ARHGEF4: variants seen among roughly 807,000 people sequenced by gnomAD.
ARHGEF4 encodes the protein Rho guanine nucleotide exchange factor 4.
ARHGEF4 carries 119 observed loss-of-function variants against 162.0 expected under a neutral mutation model. The observed-to-expected ratio is 0.73, with a 90% CI of 0.63 to 0.86. The LOEUF (loss-of-function observed/expected upper bound fraction) is 0.86, where lower values mean the gene tolerates loss of function less well. Ranked by LOEUF, ARHGEF4 falls within the 40% of genes least tolerant of loss-of-function variation. ARHGEF4 has a pLI of 0.00. For synonymous variants in ARHGEF4, 1,014 were observed against 979.9 expected, an observed-to-expected ratio of 1.03 and a Z score of -0.65; for missense variants, 2,488 against 2,456.0, an observed-to-expected ratio of 1.01 and a Z score of -0.28.
chr2:130,991,546 GC>G (rs1341248086), intron 4 of ARHGEF4, among the ~76,000 whole-genome samples: 1 of 152,228 alleles, frequency 6.6e-6, no homozygotes, highest in Admixed American at 6.5e-5. Flanking sequence ...GGAGCAGCCG[GC>G]CGGCCCTGCC....
At chr2:131,030,890 A>T (rs1338560202) in intron 5 of ARHGEF4, among the ~76,000 whole-genome samples, 1 of 152,222 alleles carries the variant, frequency 6.6e-6, no homozygotes, top group African/African-American at 2.4e-5. Context: ...AACTGAAAAG[A>T]TAAGAAGTGA....
chr2:131,015,884 G>C lies in ARHGEF4; in HGVS notation c.3986-12061G>C, dbSNP rs113085929. Among the ~76,000 whole-genome samples, 27 of 152,296 alleles carry C rather than the reference G, an allele frequency of 1.8e-4. 1 individual carries two copies. Among genetic ancestry groups the C allele is most frequent in the African/African-American group, 6.3e-4 (26 of 41,574 alleles). The stretch of plus-strand genomic sequence containing the variant: ...TCATTTCGCCTTCCTTGTTCATGTC[G>C]CAAGGATGAAGTGAGAGGCCCCTGT... On this transcript the variant is annotated intron_variant, in intron 4 of 13. Coordinates refer to ENST00000409359, the MANE Select transcript of ARHGEF4 (RefSeq NM_001367493.1).
intron 4 of ARHGEF4, among the ~76,000 whole-genome samples, chr2:130,992,901 T>G (rs1687136703): frequency 6.6e-6 from 1 of 152,156 alleles, no homozygotes; most frequent in African/African-American, 2.4e-5. Flanking sequence ...CTGGCCAGCA[T>G]GGCAAAACGC....
At chr2:130,845,336 T>A (rs1680885799) in intron 1 of ARHGEF4, among the ~76,000 whole-genome samples, 1 of 151,588 alleles carries the variant, frequency 6.6e-6, no homozygotes, top group African/African-American at 2.4e-5. Flanking sequence ...GGAGACCCCG[T>A]CTCTACAAAA....
At chr2:130,851,368 A>G (rs1681399679) in intron 1 of ARHGEF4, among the ~76,000 whole-genome samples, 1 of 152,250 alleles carries the variant, frequency 6.6e-6, no homozygotes, top group African/African-American at 2.4e-5. Flanking sequence ...GCTGGTGCTC[A>G]CACTGTTGTG....
intron 4 of ARHGEF4, among the ~76,000 whole-genome samples, chr2:130,999,125 TTG>T (rs1257840935): frequency 1.3e-5 from 2 of 152,062 alleles, no homozygotes; most frequent in African/African-American, 4.8e-5. Flanking sequence ...TTTAATTGAG[TTG>T]TTTTCTTATA....
At chr2:130,881,780 C>T (rs950822596) in intron 1 of ARHGEF4, among the ~76,000 whole-genome samples, 1 of 152,106 alleles carries the variant, frequency 6.6e-6, no homozygotes, top group Non-Finnish European at 1.5e-5. Flanking sequence ...GATGGTGATG[C>T]CACGTGCAGC....
chr2:131,002,506 C>A (rs1275725606), intron 4 of ARHGEF4, among the ~76,000 whole-genome samples: 8 of 151,864 alleles, frequency 5.3e-5, no homozygotes, highest in Admixed American at 4.6e-4. Context: ...GTCAGGAGAT[C>A]GAGACCGTCC....
intron 2 of ARHGEF4, among the ~76,000 whole-genome samples, chr2:130,922,631 G>A (rs1015059651): frequency 6.6e-6 from 1 of 152,178 alleles, no homozygotes. Flanking sequence ...ACTCCTCAGA[G>A]TGAGTTAGTC....
chr2:130,978,830 A>C (rs1685924725), intron 4 of ARHGEF4, among the ~76,000 whole-genome samples: 1 of 152,234 alleles, frequency 6.6e-6, no homozygotes, highest in African/African-American at 2.4e-5. Context: ...AAGCCATAAA[A>C]AAAATTATTT....
At chr2:130,902,273 C>T (rs1290520024) in intron 1 of ARHGEF4, among the ~76,000 whole-genome samples, 1 of 147,294 alleles carries the variant, frequency 6.8e-6, no homozygotes, top group Non-Finnish European at 1.5e-5. Context: ...CTTTCTGTCT[C>T]TTGACAGAAC....
intron 1 of ARHGEF4, among the ~76,000 whole-genome samples, chr2:130,845,980 C>T (rs933030810): frequency 6.6e-6 from 1 of 152,208 alleles, no homozygotes; most frequent in African/African-American, 2.4e-5. Context: ...AGATTTGCTG[C>T]TGACTGTGCA....
chr2:131,026,934 G>C (rs1689514990), intron 4 of ARHGEF4, among the ~76,000 whole-genome samples: 1 of 152,190 alleles, frequency 6.6e-6, no homozygotes, highest in Non-Finnish European at 1.5e-5. Flanking sequence ...GATGGTTTAT[G>C]GCTCTCCAGA....
chr2:130,836,920 C>G lies in ARHGEF4; in HGVS notation c.-34C>G. 8.2e-7 allele frequency: 1 copy of G among 1,221,500 alleles called. No homozygotes were observed. Among genetic ancestry groups the G allele is most frequent in the Non-Finnish European group, 1.0e-6 (1 of 981,366 alleles). The allele number at this position is 1,221,500 out of a possible 1,614,324, so 75.7% of individuals were successfully genotyped here. A position where few individuals can be genotyped will look rare whatever the true frequency, so the allele number is the denominator to read the frequency against. The stretch of plus-strand genomic sequence containing the variant: ...CGGCTCGGCGGCGCGGCTCGTAGTG[C>G]TGCGGCCGGGCTCCGGGCGTCCCGG... On this transcript the variant is annotated 5_prime_UTR_variant, in exon 1 of 14. Transcript: ENST00000409359.
In ARHGEF4 at chr2:130,939,598, T is replaced by G. The variant is rs529812961; in HGVS notation, c.3859-6911T>G. 4.6e-5 allele frequency among the ~76,000 whole-genome samples: 7 copies of G among 152,330 alleles called. No homozygotes were observed. The East Asian group carries it at 5.8e-4, about 13-fold the overall frequency. ...GGCTAGTTCCTTCCAATAATAAATA[T>G]GAAAATAAGTTTGTCTTGTCTACAA... On this transcript the variant is annotated intron_variant, in intron 3 of 13. Transcript: ENST00000409359.
intron 10 of ARHGEF4, among the ~76,000 whole-genome samples, chr2:131,042,582 C>T (rs537997932): frequency 6.6e-6 from 1 of 152,302 alleles, no homozygotes; most frequent in South Asian, 2.1e-4. Context: ...CAATCAGTAT[C>T]AGCCACAGAA....
intron 4 of ARHGEF4, among the ~76,000 whole-genome samples, chr2:130,969,688 T>C (rs960433220): frequency 1.3e-5 from 2 of 152,222 alleles, no homozygotes; most frequent in Non-Finnish European, 2.9e-5. Context: ...AGGCACACTT[T>C]TTGGTGTACA....
At chr2:131,030,832 C>G (rs1406275100) in intron 5 of ARHGEF4, among the ~76,000 whole-genome samples, 1 of 152,196 alleles carries the variant, frequency 6.6e-6, no homozygotes, top group East Asian at 1.9e-4. Context: ...AAGGTGGTGC[C>G]TGCCTGTTAG....
intron 5 of ARHGEF4, among the ~76,000 whole-genome samples, chr2:131,032,173 G>A (rs116425672): frequency 0.012 from 1,804 of 152,062 alleles, 34 homozygotes; most frequent in African/African-American, 0.041. Context: ...GGTGTCTGGC[G>A]CACTGATAGG....
Sources: allele counts gnomAD v4.1 joint callset (sites outside exome capture counted in the v4.1 genomes callset), GRCh38; gene constraint gnomAD v4.1.1; transcripts MANE v1.5; gene names NCBI Gene and HGNC (gene_info 2026-07-23, HGNC 2026-07-21).